Variants in SGCD observed in about 807,000 individuals in gnomAD.
SGCD encodes delta-sarcoglycan.
A neutral mutation model predicts 36.6 loss-of-function variants in SGCD; 18 were observed. The observed-to-expected ratio is 0.49, with a 90% confidence interval of 0.34 to 0.73. SGCD has a LOEUF of 0.73. Ranked by LOEUF, SGCD falls within the 30% of genes least tolerant of loss-of-function variation. The pLI is 0.01. For synonymous variants in SGCD, 133 were observed against 130.6 expected (o/e 1.02, Z -0.12); for missense variants, 387 against 346.7 (o/e 1.12, Z -0.92).
At chr5:156,089,852 G>A (rs1479026339) in intron 1 of SGCD, among the ~76,000 whole-genome samples, 3 of 152,188 alleles carry the variant, frequency 2.0e-5, no homozygotes, top group African/African-American at 7.2e-5. Context: ...GTTCCCTTAT[G>A]TAGATGTTTT....
intron 4 of SGCD, among the ~76,000 whole-genome samples, chr5:156,524,755 C>T: frequency 6.6e-6 from 1 of 151,930 alleles, no homozygotes; most frequent in Admixed American, 6.6e-5. Context: ...TACCCCACTC[C>T]CACCCTCACT....
chr5:155,855,055 G>T, the SGCD span, among the ~76,000 whole-genome samples: 2 of 152,072 alleles, frequency 1.3e-5, no homozygotes, highest in Non-Finnish European at 2.9e-5. Flanking sequence ...ACCACTTTCG[G>T]TTCTTCTCTG....
intron 7 of SGCD, among the ~76,000 whole-genome samples, chr5:156,652,778 G>T (rs751111526): frequency 4.0e-5 from 6 of 151,410 alleles, no homozygotes; most frequent in Non-Finnish European, 7.4e-5. Flanking sequence ...AGTTTTTTGG[G>T]TTTTTTTTGA....
intron 3 of SGCD, among the ~76,000 whole-genome samples, chr5:156,429,831 G>T (rs561373051): frequency 1.3e-5 from 2 of 152,238 alleles, no homozygotes; most frequent in South Asian, 4.1e-4. Context: ...TGTTTAAGGA[G>T]ACCAAAGATA....
chr5:156,460,445 A>G (rs1189535400), intron 3 of SGCD, among the ~76,000 whole-genome samples: 1 of 152,220 alleles, frequency 6.6e-6, no homozygotes, highest in East Asian at 1.9e-4. Flanking sequence ...TAGGCACTGC[A>G]ATAGAATTCA....
chr5:155,823,107 T>TATCTATCTATC, the SGCD span, among the ~76,000 whole-genome samples: 1 of 152,018 alleles, frequency 6.6e-6, no homozygotes, highest in East Asian at 1.9e-4. Flanking sequence ...TCTATCTATC[T>TATCTATCTATC]ATCTATCTGG....
chr5:156,233,675 G>A (rs930831339), intron 3 of SGCD, among the ~76,000 whole-genome samples: 1 of 152,124 alleles, frequency 6.6e-6, no homozygotes, highest in African/African-American at 2.4e-5. Flanking sequence ...AAATGAGAAG[G>A]CAGTTGTCCT....
At chr5:156,151,579 T>A (rs546262720) in intron 3 of SGCD, among the ~76,000 whole-genome samples, 1 of 151,574 alleles carries the variant, frequency 6.6e-6, no homozygotes, top group Non-Finnish European at 1.5e-5. Flanking sequence ...AATTACTTCC[T>A]GGAAGAAAAA....
At chr5:156,475,616 C>A (rs1273282083) in intron 3 of SGCD, among the ~76,000 whole-genome samples, 1 of 152,142 alleles carries the variant, frequency 6.6e-6, no homozygotes, top group Non-Finnish European at 1.5e-5. Flanking sequence ...TTCCTATTTT[C>A]TCCCCGAAGC....
At chr5:156,713,538 C>G (rs1341976218) in intron 7 of SGCD, among the ~76,000 whole-genome samples, 7 of 152,160 alleles carry the variant, frequency 4.6e-5, no homozygotes, top group African/African-American at 1.7e-4. Context: ...AAACGCTTCT[C>G]TGTCAGAACC....
At chr5:156,095,494 G>C (rs944219096) in intron 1 of SGCD, among the ~76,000 whole-genome samples, 2 of 152,164 alleles carry the variant, frequency 1.3e-5, no homozygotes, top group Non-Finnish European at 2.9e-5. Flanking sequence ...GGTAAGAAGG[G>C]TGGGAAGCTT....
chr5:156,373,207 A>T (rs552338642), intron 3 of SGCD, among the ~76,000 whole-genome samples: 9 of 152,178 alleles, frequency 5.9e-5, no homozygotes, highest in African/African-American at 2.2e-4. Context: ...CTCTAAAAAG[A>T]TATCTGTAAG....
At chr5:156,040,669 G>A (rs1168230483) in intron 1 of SGCD, among the ~76,000 whole-genome samples, 1 of 152,206 alleles carries the variant, frequency 6.6e-6, no homozygotes, top group African/African-American at 2.4e-5. Flanking sequence ...GTGTGGTGTA[G>A]TGTGCAGGAT....
chr5:156,412,522 G>T, intron 3 of SGCD, among the ~76,000 whole-genome samples: 1 of 152,124 alleles, frequency 6.6e-6, no homozygotes, highest in East Asian at 1.9e-4. Context: ...TAGGTTTTGG[G>T]TTTGTTTTGC....
intron 1 of SGCD, among the ~76,000 whole-genome samples, chr5:156,032,972 G>C (rs1759387540): frequency 6.6e-6 from 1 of 151,872 alleles, no homozygotes; most frequent in African/African-American, 2.4e-5. Flanking sequence ...AGTTACTCAG[G>C]AGGCTGAGGC....
the SGCD span, among the ~76,000 whole-genome samples, chr5:155,803,991 A>T: frequency 6.6e-6 from 1 of 152,208 alleles, no homozygotes; most frequent in South Asian, 2.1e-4. Context: ...GATTATCTCA[A>T]AAACCAGCAC....
At chr5:155,931,008 A>G (rs1022497444) in intron 1 of SGCD, among the ~76,000 whole-genome samples, 2 of 152,150 alleles carry the variant, frequency 1.3e-5, no homozygotes, top group African/African-American at 4.8e-5. Context: ...AATTGTTGCC[A>G]AAGCACTCTG....
chr5:155,847,319 G>A, the SGCD span, among the ~76,000 whole-genome samples: 5 of 152,172 alleles, frequency 3.3e-5, no homozygotes, highest in African/African-American at 1.2e-4. Flanking sequence ...GTAAGCAGCA[G>A]AACTCAAAAT....
At chr5:156,041,119 C>G (rs1398361819) in intron 1 of SGCD, among the ~76,000 whole-genome samples, 2 of 152,140 alleles carry the variant, frequency 1.3e-5, no homozygotes, top group East Asian at 3.9e-4. Flanking sequence ...AAAGCATAAT[C>G]AGATGTGTAT....
Sources: gnomAD v4.1 joint callset for allele counts (sites outside exome capture counted in the v4.1 genomes callset) on GRCh38, gnomAD v4.1.1 for gene constraint, MANE v1.5 for transcripts, NCBI Gene and HGNC (gene_info 2026-07-23, HGNC 2026-07-21) for gene names.